The following PCSK6 variants were observed in gnomAD, a reference collection of about 807,000 sequenced individuals.
PCSK6 encodes proprotein convertase subtilisin/kexin type 6.
PCSK6 carries 85 observed loss-of-function variants against 123.3 expected under a neutral mutation model. The ratio of observed to expected loss-of-function variants is 0.69; its 90% confidence interval spans 0.58 to 0.83. The LOEUF (loss-of-function observed/expected upper bound fraction) is 0.83, where lower values mean the gene tolerates loss of function less well. Among genes scored for constraint, PCSK6 ranks in the 40% least tolerant of loss-of-function variants. PCSK6 has a pLI of 0.00. For missense variants in PCSK6, 1,191 were observed against 1,282.3 expected (o/e 0.93, Z 1.09); for synonymous variants, 508 against 516.0 (o/e 0.98, Z 0.21).
intron 6 of PCSK6, among the ~76,000 whole-genome samples, chr15:101,402,563 C>G (rs1305972866): frequency 6.6e-6 from 1 of 152,132 alleles, no homozygotes; most frequent in African/African-American, 2.4e-5. Context: ...TGAACTCAAA[C>G]AAATTTACAA....
chr15:101,460,343 C>G (rs1480958015), intron 1 of PCSK6, among the ~76,000 whole-genome samples: 1 of 152,204 alleles, frequency 6.6e-6, no homozygotes, highest in East Asian at 1.9e-4. Flanking sequence ...CCTTCCTTCA[C>G]CAGTATTATG....
In PCSK6 at chr15:101,331,945, T is replaced by C; in HGVS notation, c.1945A>G (p.Met649Val). The C allele has an allele frequency of 1.2e-6, 2 of 1,613,892 alleles. No individual in the cohort carries two copies. The highest frequency in any genetic ancestry group is 2.2e-5 in the East Asian group (1 of 44,884). Residue 649 changes from methionine to valine, a missense_variant, in exon 14 of 22, where the codon ATG becomes GTG. Transcript: ENST00000611716. ...AGCTCTGGGGCTGAGAGCTCCAGCA[T>C]CCGCGAGCGGGACTGATGGGCACTG... ...TFSAHQSRSR[M>V]LELSAPELEP...
intron 13 of PCSK6, among the ~76,000 whole-genome samples, chr15:101,336,140 G>C (rs941691194): frequency 6.6e-6 from 1 of 152,250 alleles, no homozygotes; most frequent in Non-Finnish European, 1.5e-5. Flanking sequence ...GGTGAGCAGA[G>C]CAAGGGCCCT....
chr15:101,485,340 T>C (rs1420033781), intron 1 of PCSK6, among the ~76,000 whole-genome samples: 1 of 152,248 alleles, frequency 6.6e-6, no homozygotes, highest in African/African-American at 2.4e-5. Context: ...TGTGTACTAA[T>C]GTATTTGTTA....
chr15:101,471,165 C>T (rs936739243), intron 1 of PCSK6, among the ~76,000 whole-genome samples: 17 of 152,172 alleles, frequency 1.1e-4, no homozygotes, highest in Non-Finnish European at 1.2e-4. Context: ...GTAATCCTTT[C>T]AGATGCCAGT....
intron 9 of PCSK6, among the ~76,000 whole-genome samples, chr15:101,384,758 A>G (rs754003504): frequency 1.3e-5 from 2 of 152,246 alleles, no homozygotes; most frequent in Non-Finnish European, 2.9e-5. Context: ...GTAAATGTTT[A>G]TTAAATACTT....
At chr15:101,453,705 C>T (rs1410117366) in intron 1 of PCSK6, among the ~76,000 whole-genome samples, 1 of 152,208 alleles carries the variant, frequency 6.6e-6, no homozygotes, top group Non-Finnish European at 1.5e-5. Flanking sequence ...GGGATCGAGA[C>T]ATTTGGTTGA....
intron 13 of PCSK6, 69 bp from the exon 14 acceptor site, chr15:101,332,100 A>G (rs2040383629): frequency 7.0e-7 from 1 of 1,418,558 alleles, no homozygotes; most frequent in Non-Finnish European, 9.5e-7. Context: ...GAAATAAGCC[A>G]GATGCTGCCT....
intron 5 of PCSK6, among the ~76,000 whole-genome samples, chr15:101,428,951 G>A (rs1158805962): frequency 1.3e-5 from 2 of 152,194 alleles, no homozygotes; most frequent in Non-Finnish European, 2.9e-5. Flanking sequence ...CAGCAGGAAG[G>A]GCACCTTGGG....
At chr15:101,379,671 A>C (rs1466418499) in intron 11 of PCSK6, among the ~76,000 whole-genome samples, 4 of 152,220 alleles carry the variant, frequency 2.6e-5, no homozygotes, top group Non-Finnish European at 5.9e-5. Flanking sequence ...AGCTGGACCC[A>C]CAAACGTGCA....
intron 1 of PCSK6, among the ~76,000 whole-genome samples, chr15:101,458,843 T>C (rs894299903): frequency 6.6e-6 from 1 of 152,206 alleles, no homozygotes; most frequent in African/African-American, 2.4e-5. Flanking sequence ...GTTTTGGGTA[T>C]ACCTCTGTCA....
At chr15:101,399,179 G>A (rs1244017279) in intron 6 of PCSK6, among the ~76,000 whole-genome samples, 3 of 152,222 alleles carry the variant, frequency 2.0e-5, no homozygotes, top group African/African-American at 7.2e-5. Flanking sequence ...GGGCTTACAG[G>A]CGTGAGCCAC....
chr15:101,368,232 A>G (rs560675790), intron 12 of PCSK6, among the ~76,000 whole-genome samples: 10 of 152,310 alleles, frequency 6.6e-5, no homozygotes, highest in African/African-American at 2.4e-4. Flanking sequence ...AACACTGGGC[A>G]GCAGCAGGAG....
At chr15:101,387,967 T>C (rs1047494536) in intron 9 of PCSK6, among the ~76,000 whole-genome samples, 1 of 152,258 alleles carries the variant, frequency 6.6e-6, no homozygotes, top group African/African-American at 2.4e-5. Context: ...GTCCCCTGTA[T>C]GTGTCTGAGG....
intron 1 of PCSK6, among the ~76,000 whole-genome samples, chr15:101,454,853 G>C (rs1014818121): frequency 1.3e-5 from 2 of 152,156 alleles, no homozygotes; most frequent in African/African-American, 4.8e-5. Flanking sequence ...GCTGAGGCAG[G>C]AGAATCGCTT....
In PCSK6 at chr15:101,347,254, C is replaced by T. The variant is rs1229620496; in HGVS notation, c.1859-15223G>A. ...AGCCATCGAACACAGATTGCAAAATCTCAACTCTTATCTTAGAAATGAAGA... is the reference window on the plus strand; with the variant it reads ...AGCCATCGAACACAGATTGCAAAATTTCAACTCTTATCTTAGAAATGAAGA... On this transcript the variant is annotated intron_variant, in intron 13 of 21. Coordinates refer to ENST00000611716, the MANE Select transcript of PCSK6 (RefSeq NM_002570.5). 19 of 1,232,276 alleles carry T rather than the reference C, an allele frequency of 1.5e-5. No individual in the cohort carries two copies. The South Asian group carries it at 5.3e-4, about 35-fold the overall frequency. The allele number at this position is 1,232,276 out of a possible 1,614,324, so 76.3% of individuals were successfully genotyped here. A position where few individuals can be genotyped will look rare whatever the true frequency, so the allele number is the denominator to read the frequency against.
intron 13 of PCSK6, among the ~76,000 whole-genome samples, chr15:101,352,676 T>A (rs11856410): frequency 0.21 from 32,130 of 152,168 alleles, 3,875 homozygotes; most frequent in African/African-American, 0.33. Context: ...TTTATTATAG[T>A]TAAAAAACAC....
At chr15:101,335,081 T>C (rs2040448996) in intron 13 of PCSK6, among the ~76,000 whole-genome samples, 1 of 152,138 alleles carries the variant, frequency 6.6e-6, no homozygotes, top group African/African-American at 2.4e-5. Context: ...CACCTCAGCA[T>C]CCCAAGTGGC....
chr15:101,427,318 G>A (rs1158435049), intron 6 of PCSK6, among the ~76,000 whole-genome samples: 1 of 152,186 alleles, frequency 6.6e-6, no homozygotes, highest in East Asian at 1.9e-4. Context: ...CAGGCATGAG[G>A]CTGCCATAAG....
Sources: gnomAD v4.1 joint callset for allele counts (sites outside exome capture counted in the v4.1 genomes callset) on GRCh38, gnomAD v4.1.1 for gene constraint, MANE v1.5 for transcripts, NCBI Gene and HGNC (gene_info 2026-07-23, HGNC 2026-07-21) for gene names.